SNX32: variants seen among roughly 807,000 people sequenced by gnomAD.
SNX32 encodes sorting nexin 32, also known as sorting nexin-32.
SNX32 carries 58 observed loss-of-function variants against 57.0 expected under a neutral mutation model. That is an observed-to-expected ratio of 1.02 (90% confidence interval 0.82 to 1.27). SNX32 has a LOEUF of 1.27. SNX32 is among the 50% of genes most tolerant of loss of function. The pLI is 0.00. For missense variants in SNX32, 589 were observed against 541.2 expected (o/e 1.09, Z -0.88); for synonymous variants, 262 against 220.4 (o/e 1.19, Z -1.67).
At chr11:65,839,225 ATTTTTTTTTT>A (rs1168882508) in intron 1 of SNX32, among the ~76,000 whole-genome samples, 17 of 27,640 alleles carry the variant, frequency 6.2e-4, no homozygotes, top group African/African-American at 2.1e-3. Context: ...ATTTTTTTGT[ATTTTTTTTTT>A]TTTTTTTTTT....
At chr11:65,853,210 T>C (rs1859280698) in intron 12 of SNX32, 72 bp from the exon 13 acceptor site, 11 of 1,601,450 alleles carry the variant, frequency 6.9e-6, no homozygotes, top group South Asian at 1.1e-5. Context: ...CGAGGGAGCA[T>C]CTAAGGTGCA....
chr11:65,851,347 C>A lies in SNX32; in HGVS notation c.729C>A (p.Ile243=). The change falls in exon 8 of 13, where the codon ATC becomes ATA. Residue 243 remains isoleucine (I), a synonymous_variant. Coordinates refer to ENST00000308342, the MANE Select transcript of SNX32 (RefSeq NM_152760.3). ...RAHKCLADDY[I]PISAALSSLG... is the part of the protein sequence containing the mutation. ...CAACAGGCCTGGCAGACGATTATAT[C>A]CCTATCTCAGCTGCGCTGAGCAGTC... 1 of 1,614,142 alleles carries A rather than the reference C, an allele frequency of 6.2e-7. No individual in the cohort carries two copies. The highest frequency in any genetic ancestry group is 8.5e-7 in the Non-Finnish European group (1 of 1,180,006).
chr11:65,850,161 C>G lies in SNX32; in HGVS notation c.264C>G (p.Ala88=), dbSNP rs1377794776. The G allele has an allele frequency of 6.2e-7, 1 of 1,614,144 alleles. No individual in the cohort carries two copies. The highest frequency in any genetic ancestry group is 1.3e-5 in the African/African-American group (1 of 74,948). ...EEYAGLIIPP[A]PPRPDFEASR... Reference sequence around the variant, plus strand: ...CCTCCTTTGAGCAGATCCCCCCAGCCCCTCCGAGGCCAGACTTTGAGGCTT... The same window carrying G: ...CCTCCTTTGAGCAGATCCCCCCAGCGCCTCCGAGGCCAGACTTTGAGGCTT... Residue 88 remains alanine (A), a synonymous_variant, in exon 4 of 13, where the codon GCC becomes GCG. Transcript: ENST00000308342.
chr11:65,841,379 T>C (rs1046696341), intron 1 of SNX32, among the ~76,000 whole-genome samples: 1 of 150,102 alleles, frequency 6.7e-6, no homozygotes, highest in Non-Finnish European at 1.5e-5. Context: ...TGGGACTACC[T>C]GTGTTTGCCA....
At chr11:65,849,368 T>C (rs1859090883) in intron 1 of SNX32, 110 bp from the exon 2 acceptor site, 2 of 805,990 alleles carry the variant, frequency 2.5e-6, no homozygotes, top group Admixed American at 4.7e-5. Flanking sequence ...GGGGCATTGC[T>C]GAAGCAGTGC....
chr11:65,847,016 T>TG (rs1189483853), intron 1 of SNX32, among the ~76,000 whole-genome samples: 3 of 149,912 alleles, frequency 2.0e-5, no homozygotes, highest in Admixed American at 6.6e-5. Flanking sequence ...TTTTTTTTGT[T>TG]TTTTTTTTTT....
intron 1 of SNX32, among the ~76,000 whole-genome samples, chr11:65,834,995 G>C (rs1858625883): frequency 6.7e-6 from 1 of 149,612 alleles, no homozygotes; most frequent in African/African-American, 2.5e-5. Flanking sequence ...GTGTGTGTCT[G>C]TGTGTGTGTT....
intron 2 of SNX32, 63 bp from the exon 3 acceptor site, chr11:65,849,857 C>G (rs1268704330): frequency 2.9e-6 from 4 of 1,393,428 alleles, no homozygotes; most frequent in Non-Finnish European, 2.9e-6. Context: ...AAGTGCATGC[C>G]CAGACTTGCT....
chr11:65,834,508 A>G (rs535261020), intron 1 of SNX32, among the ~76,000 whole-genome samples: 11 of 126,686 alleles, frequency 8.7e-5, no homozygotes, highest in African/African-American at 3.5e-4. Context: ...TTGTGCGTGC[A>G]TGTCTGTGTC....
At chr11:65,851,714 G>A in intron 9 of SNX32, 35 bp downstream of exon 9, 3 of 1,611,256 alleles carry the variant, frequency 1.9e-6, no homozygotes, top group Non-Finnish European at 2.5e-6. Context: ...AGGCTTTCCT[G>A]GTGAGCTTTG....
chr11:65,837,750 A>C (rs992446010), intron 1 of SNX32, among the ~76,000 whole-genome samples: 1 of 131,098 alleles, frequency 7.6e-6, no homozygotes, highest in Non-Finnish European at 1.6e-5. Flanking sequence ...AGCCCGGGAG[A>C]TGGAGGTTCC....
chr11:65,835,182 G>A (rs1858633370), intron 1 of SNX32, among the ~76,000 whole-genome samples: 1 of 152,106 alleles, frequency 6.6e-6, no homozygotes, highest in Admixed American at 6.6e-5. Context: ...GCAAGGGAGT[G>A]GGGAGCCTCT....
intron 1 of SNX32, among the ~76,000 whole-genome samples, chr11:65,839,215 A>ATTTTTTTGTTTTTTTT (rs1858753157): frequency 5.1e-5 from 1 of 19,514 alleles, no homozygotes; most frequent in Middle Eastern, 0.02. Flanking sequence ...CGCCCAGCTA[A>ATTTTTTTGTTTTTTTT]TTTTTTTGTA....
chr11:65,850,044 G>A lies in SNX32; in HGVS notation c.252+14G>A. 2 of 1,614,154 alleles carry A rather than the reference G, an allele frequency of 1.2e-6. No homozygotes were observed. Among genetic ancestry groups the A allele is most frequent in the Non-Finnish European group, 1.7e-6 (2 of 1,179,974 alleles). ...GCCGGCCTCATCGTGAGGAGGGGCT[G>A]GGCAGGGGCTGGGAGGGACAGGCAG... On this transcript the variant is annotated intron_variant, in intron 3 of 12. Coordinates refer to ENST00000308342, the MANE Select transcript of SNX32 (RefSeq NM_152760.3).
chr11:65,851,836 G>T (rs1021252909), intron 9 of SNX32, among the ~76,000 whole-genome samples, 157 bp downstream of exon 9: 1 of 152,172 alleles, frequency 6.6e-6, no homozygotes, highest in African/African-American at 2.4e-5. Context: ...TTAACAAAAG[G>T]TGGGGTGAAG....
Position 65,839,224 on chromosome 11 carries a change from T to TTTTTTTTTTTTTTTG in SNX32, c.36+5123_36+5124insTTTTTTTTTTTTTTG. On this transcript the variant is annotated intron_variant, in intron 1 of 12. Coordinates refer to ENST00000308342, the MANE Select transcript of SNX32 (RefSeq NM_152760.3). ...CCACCACGCCCAGCTAATTTTTTTGTATTTTTTTTTTTTTTTTTTTTTTGA... is the reference window on the plus strand; with the variant it reads ...CCACCACGCCCAGCTAATTTTTTTGTTTTTTTTTTTTTTTGATTTTTTTTTTTTTTTTTTTTTTGA... 1.3e-4 allele frequency among the ~76,000 whole-genome samples: 2 copies of TTTTTTTTTTTTTTTG among 15,142 alleles called. 1 individual carries two copies. The highest frequency in any genetic ancestry group is 3.7e-4 in the Non-Finnish European group (2 of 5,424). The allele number at this position is 15,142 out of a possible 152,430, so 9.9% of individuals were successfully genotyped here.
At chr11:65,845,135 T>TA (rs766803127) in intron 1 of SNX32, among the ~76,000 whole-genome samples, 12,814 of 101,876 alleles carry the variant, frequency 0.13, 905 homozygotes, top group East Asian at 0.24. Context: ...CCCCCTGCTT[T>TA]AAAAAAAAAA....
At chr11:65,842,494 C>G (rs1191794524) in intron 1 of SNX32, among the ~76,000 whole-genome samples, 1 of 151,336 alleles carries the variant, frequency 6.6e-6, no homozygotes, top group African/African-American at 2.4e-5. Context: ...CTACTAAAAA[C>G]ACAAAAAAAT....
intron 1 of SNX32, among the ~76,000 whole-genome samples, chr11:65,846,197 A>G (rs1647569): frequency 0.9 from 137,518 of 152,206 alleles, 63,730 homozygotes; most frequent in East Asian, 1. Context: ...CATAAGCCTG[A>G]GTGGTAGAGG....
Sources: gnomAD v4.1 joint callset for allele counts (sites outside exome capture counted in the v4.1 genomes callset) on GRCh38, gnomAD v4.1.1 for gene constraint, MANE v1.5 for transcripts, NCBI Gene and HGNC (gene_info 2026-07-23, HGNC 2026-07-21) for gene names.